Variants in SCN1A observed in about 807,000 individuals in gnomAD.
SCN1A encodes the protein sodium voltage-gated channel alpha subunit 1.
SCN1A carries 13 observed loss-of-function variants against 193.7 expected under a neutral mutation model. The observed-to-expected ratio is 0.07, with a 90% CI of 0.04 to 0.11. The LOEUF (loss-of-function observed/expected upper bound fraction) is 0.11, where lower values mean the gene tolerates loss of function less well. Ranked by LOEUF, SCN1A falls within the 10% of genes least tolerant of loss-of-function variation. SCN1A has a pLI of 1.00. For synonymous variants in SCN1A, 781 were observed against 843.6 expected (o/e 0.93, Z 1.29); for missense variants, 1,432 against 2,451.1 (o/e 0.58, Z 8.78).
chr2:166,045,293 C>A lies in SCN1A; in HGVS notation c.1412G>T (p.Arg471Ile), dbSNP rs1050760311. 1 of 1,614,030 alleles carries A rather than the reference C, an allele frequency of 6.2e-7. No homozygotes were observed. Among genetic ancestry groups the A allele is most frequent in the African/African-American group, 1.3e-5 (1 of 74,912 alleles). ...GAGCCTGCCTGCTGCACTGGGCTCT[C>A]TGGAATGTTCTGAGGCAGTTGCCGT... ...AATATASEHS[R>I]EPSAAGRLSD... The change falls in exon 13 of 29, where the codon AGA becomes ATA. Residue 471 changes from arginine to isoleucine, a missense_variant. By Grantham distance (97) the Arg-to-Ile change is moderately conservative. Transcript: ENST00000674923.
chr2:166,138,625 G>A (rs565334641), intron 1 of SCN1A, among the ~76,000 whole-genome samples: 1 of 152,334 alleles, frequency 6.6e-6, no homozygotes, highest in South Asian at 2.1e-4. Flanking sequence ...TGGATGCCCA[G>A]CAAAAGTTTG....
intron 4 of SCN1A, among the ~76,000 whole-genome samples, chr2:166,061,281 A>G (rs931079629): frequency 2.6e-5 from 4 of 152,186 alleles, no homozygotes; most frequent in Non-Finnish European, 2.9e-5. Flanking sequence ...CTAGAGATCT[A>G]AAAGAAGGGA....
chr2:166,039,569 T>C lies in SCN1A; in HGVS notation c.2443A>G (p.Met815Val). ...LVFTGIFTAE[M>V]FLKIIAMDPY... ...TCCATGGCAATAATTTTCAGAAACATTTCTGCTGTAAAGATCCCAGTGAAA... is the reference window on the plus strand; with the variant it reads ...TCCATGGCAATAATTTTCAGAAACACTTCTGCTGTAAAGATCCCAGTGAAA... The change falls in exon 17 of 29, where the codon ATG becomes GTG. Residue 815 changes from methionine (M) to valine (V), a missense_variant. By Grantham distance (21) the Met-to-Val change is conservative. Around this residue, in one of 18 missense-constraint regions of SCN1A, gnomAD observed 93 missense variants for 260.4 expected, o/e 0.36. Transcript: ENST00000674923. 6.2e-7 allele frequency: 1 copy of C among 1,614,018 alleles called. No homozygotes were observed. Among genetic ancestry groups the C allele is most frequent in the South Asian group, 1.1e-5 (1 of 91,068 alleles).
intron 2 of SCN1A, chr2:166,092,798 A>G (rs1686957307): frequency 6.6e-6 from 1 of 152,186 alleles, no homozygotes. Flanking sequence ...TGTGATATTA[A>G]AATAGTACCT....
At chr2:166,055,421 C>G (rs1699030437) in intron 6 of SCN1A, among the ~76,000 whole-genome samples, 1 of 151,830 alleles carries the variant, frequency 6.6e-6, no homozygotes, top group Admixed American at 6.6e-5. Context: ...CCTGTGGGGC[C>G]TCCCATATTA....
At chr2:166,015,818 T>A (rs1693216450) in intron 19 of SCN1A, 91 bp from the exon 20 acceptor site, 1 of 1,429,708 alleles carries the variant, frequency 7.0e-7, no homozygotes, top group Non-Finnish European at 9.8e-7. Flanking sequence ...AATTTGTTTT[T>A]TATTCTTCTT....
chr2:166,118,303 T>TTC (rs1491270058), intron 2 of SCN1A, among the ~76,000 whole-genome samples: 2 of 32,890 alleles, frequency 6.1e-5, no homozygotes, highest in African/African-American at 2.0e-4. Flanking sequence ...ATTTAGTTTC[T>TTC]TTTTTTTTTT....
chr2:166,072,182 T>G (rs1308166733), intron 4 of SCN1A, among the ~76,000 whole-genome samples: 1 of 152,186 alleles, frequency 6.6e-6, no homozygotes, highest in Non-Finnish European at 1.5e-5. Flanking sequence ...AAAATTTACT[T>G]AATTACAATC....
At chr2:166,048,656 A>G (rs938859492) in intron 10 of SCN1A, among the ~76,000 whole-genome samples, 1 of 152,116 alleles carries the variant, frequency 6.6e-6, no homozygotes, top group Non-Finnish European at 1.5e-5. Context: ...TAGTGCTGCA[A>G]TGAACATACG....
rs772641408 is a variant in SCN1A, at chr2:165,990,787, C to T, written c.*458G>A. The T allele has an allele frequency of 5.2e-5, 9 of 173,666 alleles. No individual in the cohort carries two copies. Among genetic ancestry groups the T allele is most frequent in the Non-Finnish European group, 1.1e-4 (9 of 79,918 alleles). The allele number at this position is 173,666 out of a possible 1,614,324, so 10.8% of individuals were successfully genotyped here. A position where few individuals can be genotyped will look rare whatever the true frequency, so the allele number is the denominator to read the frequency against. On this transcript the variant is annotated 3_prime_UTR_variant, in exon 29 of 29. Coordinates refer to ENST00000674923, the MANE Select transcript of SCN1A (RefSeq NM_001165963.4). ...TTAGCCTATTTCTCAACAGAAACTT[C>T]GTTTACAAAAATAGTCACATATAAT...
chr2:166,121,120 A>G (rs1274341496), intron 2 of SCN1A, among the ~76,000 whole-genome samples: 2 of 106,506 alleles, frequency 1.9e-5, no homozygotes, highest in South Asian at 2.7e-4. Context: ...AAAAAAAAGA[A>G]AAAAAAAAAA....
In SCN1A at chr2:165,986,204, A is replaced by T. The variant is rs544638795; in HGVS notation, c.*5041T>A. 2 of 152,166 alleles carry T rather than the reference A, an allele frequency of 1.3e-5. No homozygotes were observed. Among genetic ancestry groups the T allele is most frequent in the Non-Finnish European group, 1.5e-5 (1 of 67,998 alleles). 9.4% of individuals were successfully genotyped at this position (152,166 alleles called of 1,614,324 possible). On this transcript the variant is annotated 3_prime_UTR_variant, in exon 29 of 29. Coordinates refer to ENST00000674923, the MANE Select transcript of SCN1A (RefSeq NM_001165963.4). The stretch of plus-strand genomic sequence containing the variant: ...ATAATCTAAAAGATACAATTTCAGG[A>T]TAAAGGTCTTTAACTTGGATATGTT...
Position 165,992,499 on chromosome 2 carries a change from CAAGGT to C in SCN1A, c.4853-82_4853-78del. The C allele has an allele frequency of 6.4e-7, 1 of 1,552,352 alleles. No homozygotes were observed. The highest frequency in any genetic ancestry group is 8.9e-7 in the Non-Finnish European group (1 of 1,127,872). ...TAAACATATGTTTCTTCTAAAGCTC[CAAGGT>C]AAGGTTCAGAGTCCTGAACCCAGTT... On this transcript the variant is annotated intron_variant, in intron 28 of 28. Coordinates refer to ENST00000674923, the MANE Select transcript of SCN1A (RefSeq NM_001165963.4). The surrounding 1 kb of genome is among the most constrained non-coding windows in gnomAD (Gnocchi z 6.5).
At chr2:166,095,209 C>T (rs1302716110) in intron 2 of SCN1A, among the ~76,000 whole-genome samples, 1 of 152,138 alleles carries the variant, frequency 6.6e-6, no homozygotes, top group Non-Finnish European at 1.5e-5. Context: ...TTAGTTTTCT[C>T]TTTTCCAAGC....
At position 166,045,119 on chromosome 2, in the gene SCN1A, A is replaced by G. The variant is rs1166000241; in HGVS notation, c.1586T>C (p.Ile529Thr). 3.7e-6 allele frequency: 6 copies of G among 1,614,144 alleles called. No individual in the cohort carries two copies. Among genetic ancestry groups the G allele is most frequent in the Admixed American group, 1.7e-5 (1 of 60,024 alleles). ...GGAGAAGCGAAAACCTTTCCTCCTG[A>G]TGCTGTCCTCAGATTCAGATTTTTG... ...EFQKSESEDS[I>T]RRKGFRFSIE... Residue 529 changes from isoleucine to threonine, a missense_variant, in exon 13 of 29, where the codon ATC becomes ACC. By Grantham distance (89) the Ile-to-Thr change is moderately conservative. Around this residue, in one of 18 missense-constraint regions of SCN1A, gnomAD observed 316 missense variants for 362.1 expected, o/e 0.87. Transcript: ENST00000674923.
chr2:166,018,954 A>C (rs143379110), intron 19 of SCN1A, among the ~76,000 whole-genome samples: 2 of 152,256 alleles, frequency 1.3e-5, no homozygotes, highest in African/African-American at 4.8e-5. Flanking sequence ...AGATAATATG[A>C]ACTCTAAATT....
chr2:166,103,068 G>GATAT (rs58394206), intron 2 of SCN1A, among the ~76,000 whole-genome samples: 7,497 of 148,964 alleles, frequency 0.05, 599 homozygotes, highest in African/African-American at 0.17. Context: ...AGATTTGGGA[G>GATAT]ATATATATAT....
intron 1 of SCN1A, among the ~76,000 whole-genome samples, chr2:166,139,004 C>G (rs1261037469): frequency 6.6e-6 from 1 of 152,196 alleles, no homozygotes; most frequent in Non-Finnish European, 1.5e-5. Context: ...GGATTTCAGA[C>G]TTGCACAGGG....
intron 2 of SCN1A, among the ~76,000 whole-genome samples, chr2:166,084,825 C>T (rs1269197008): frequency 6.6e-6 from 1 of 152,060 alleles, no homozygotes; most frequent in African/African-American, 2.4e-5. Context: ...GTTTGGAAGT[C>T]TGAGGTAAGA....
Sources: gnomAD v4.1 joint callset for allele counts (sites outside exome capture counted in the v4.1 genomes callset) on GRCh38, gnomAD v4.1.1 for gene constraint, gnomAD v4.1.1 regional missense constraint, Gnocchi (gnomAD v3.1) non-coding constraint, MANE v1.5 for transcripts, NCBI Gene and HGNC (gene_info 2026-07-23, HGNC 2026-07-21) for gene names.